The following PPARG variants were observed in gnomAD, a reference collection of about 807,000 sequenced individuals.
The protein encoded by PPARG is peroxisome proliferator-activated receptor gamma.
PPARG carries 17 observed loss-of-function variants against 39.2 expected under a neutral mutation model. The observed-to-expected ratio is 0.43, with a 90% CI of 0.30 to 0.65. PPARG has a LOEUF of 0.65. Among genes scored for constraint, PPARG ranks in the 30% least tolerant of loss-of-function variants. PPARG has a pLI of 0.13. For missense variants in PPARG, 406 were observed against 585.9 expected, an observed-to-expected ratio of 0.69 and a Z score of 3.17; for synonymous variants, 223 against 215.7, an observed-to-expected ratio of 1.03 and a Z score of -0.30.
chr3:12,373,593 T>A (rs1002180528), intron 2 of PPARG, among the ~76,000 whole-genome samples: 2 of 152,188 alleles, frequency 1.3e-5, no homozygotes, highest in Non-Finnish European at 2.9e-5. Flanking sequence ...TTTCCATCTT[T>A]AGTAGCAAAA....
At chr3:12,407,222 G>A (rs994467073) in intron 6 of PPARG, among the ~76,000 whole-genome samples, 10 of 151,916 alleles carry the variant, frequency 6.6e-5, no homozygotes, top group African/African-American at 9.7e-5. Flanking sequence ...ATGCAGTGGC[G>A]TGATCTCGGC....
At chr3:12,359,208 C>T (rs1035745098) in intron 2 of PPARG, among the ~76,000 whole-genome samples, 3 of 152,030 alleles carry the variant, frequency 2.0e-5, no homozygotes, top group African/African-American at 7.3e-5. Flanking sequence ...ACACCTTGCA[C>T]GTAGTATTAG....
Position 12,432,398 on chromosome 3 carries a change from G to A in PPARG, c.1181-1500G>A, listed in dbSNP as rs185545147. On this transcript the variant is annotated intron_variant, in intron 7 of 7. Coordinates refer to ENST00000651735, the MANE Select transcript of PPARG (RefSeq NM_138711.6). ...AAACCATAACTCTTCAGATATCATA[G>A]CTCTTTAGATAGAAAAATGTAAAAG... 4.9e-4 allele frequency among the ~76,000 whole-genome samples: 75 copies of A among 151,862 alleles called. No homozygotes were observed. The East Asian group carries it at 0.014, about 28-fold the overall frequency.
At chr3:12,358,462 T>A (rs2048735687) in intron 2 of PPARG, among the ~76,000 whole-genome samples, 1 of 152,188 alleles carries the variant, frequency 6.6e-6, no homozygotes, top group Non-Finnish European at 1.5e-5. Flanking sequence ...AAGTCAGATC[T>A]TTAGGAAAAA....
At chr3:12,365,292 A>T (rs2048978312) in intron 2 of PPARG, among the ~76,000 whole-genome samples, 1 of 152,172 alleles carries the variant, frequency 6.6e-6, no homozygotes, top group Non-Finnish European at 1.5e-5. Context: ...GCTTTATCAG[A>T]TGTGTTTTGT....
chr3:12,388,698 G>C (rs2049966337), intron 4 of PPARG, among the ~76,000 whole-genome samples: 1 of 152,112 alleles, frequency 6.6e-6, no homozygotes, highest in East Asian at 1.9e-4. Flanking sequence ...CAGACTCCCT[G>C]CTCTTCCCCT....
chr3:12,380,195 AT>A (rs1431236360), intron 3 of PPARG, among the ~76,000 whole-genome samples: 1 of 148,808 alleles, frequency 6.7e-6, no homozygotes, highest in Non-Finnish European at 1.5e-5. Context: ...TCTTAGGGAC[AT>A]TTTCTACCTT....
chr3:12,424,267 T>C (rs1050626911), intron 7 of PPARG, among the ~76,000 whole-genome samples: 1 of 152,188 alleles, frequency 6.6e-6, no homozygotes, highest in Non-Finnish European at 1.5e-5. Flanking sequence ...TTTAAACATA[T>C]ACATATACAG....
intron 5 of PPARG, among the ~76,000 whole-genome samples, chr3:12,398,853 G>C (rs79772338): frequency 0.013 from 2,017 of 152,274 alleles, 54 homozygotes; most frequent in African/African-American, 0.046. Context: ...CCCAGTGAGC[G>C]CAAAGCTAGA....
chr3:12,328,612 C>G (rs1274644079), intron 2 of PPARG, among the ~76,000 whole-genome samples: 1 of 152,218 alleles, frequency 6.6e-6, no homozygotes, highest in African/African-American at 2.4e-5. Flanking sequence ...AAGCATCTGT[C>G]CCACTCTGCT....
chr3:12,429,868 C>A (rs769301497), intron 7 of PPARG, among the ~76,000 whole-genome samples: 14 of 152,200 alleles, frequency 9.2e-5, no homozygotes, highest in Non-Finnish European at 1.8e-4. Context: ...GCCCAATTCT[C>A]CAGGCCAGGA....
chr3:12,336,745 C>G lies in PPARG; in HGVS notation c.-9+24292C>G, dbSNP rs78788058. On this transcript the variant is annotated intron_variant, in intron 2 of 7. Transcript: ENST00000651735. ...TAGTTATGAGCAACTGATTATTTAG[C>G]TGGGAAAAGAAGGTAAGGAAGAAGA... 1.4e-3 allele frequency among the ~76,000 whole-genome samples: 217 copies of G among 152,194 alleles called. 1 individual carries two copies. The highest frequency in any genetic ancestry group is 5.1e-3 in the African/African-American group (212 of 41,518).
intron 2 of PPARG, among the ~76,000 whole-genome samples, chr3:12,326,215 A>G (rs547697492): frequency 6.6e-6 from 1 of 152,308 alleles, no homozygotes; most frequent in Non-Finnish European, 1.5e-5. Flanking sequence ...TCGAGTTGTA[A>G]AAACCCTGAA....
chr3:12,409,945 A>AT (rs1575131783), intron 6 of PPARG, among the ~76,000 whole-genome samples: 1 of 152,134 alleles, frequency 6.6e-6, no homozygotes, highest in African/African-American at 2.4e-5. Flanking sequence ...ACCTTTCAAA[A>AT]TGGATAAATT....
At chr3:12,366,223 A>G (rs1458190626) in intron 2 of PPARG, among the ~76,000 whole-genome samples, 1 of 152,096 alleles carries the variant, frequency 6.6e-6, no homozygotes, top group Non-Finnish European at 1.5e-5. Context: ...TGTGTTTTTA[A>G]TATTAAATTT....
intron 2 of PPARG, among the ~76,000 whole-genome samples, chr3:12,363,506 A>G (rs1189356933): frequency 1.3e-5 from 2 of 152,156 alleles, no homozygotes; most frequent in Admixed American, 1.3e-4. Context: ...GGTTTGCCAG[A>G]CTAAACAACT....
chr3:12,302,147 C>T (rs184055449), intron 1 of PPARG, among the ~76,000 whole-genome samples: 10 of 152,274 alleles, frequency 6.6e-5, no homozygotes, highest in African/African-American at 2.4e-4. Flanking sequence ...GTGGAGGGTA[C>T]AGCCAGGTAA....
intron 1 of PPARG, among the ~76,000 whole-genome samples, chr3:12,292,599 C>T (rs2046674462): frequency 6.6e-6 from 1 of 152,160 alleles, no homozygotes; most frequent in South Asian, 2.1e-4. Flanking sequence ...AGTGGAAAAA[C>T]ATATAATTAA....
chr3:12,293,061 G>T (rs1574935338), intron 1 of PPARG, among the ~76,000 whole-genome samples: 1 of 152,230 alleles, frequency 6.6e-6, no homozygotes, highest in African/African-American at 2.4e-5. Context: ...TACAGCGTAG[G>T]CTTTCTCAGA....
Sources: allele counts gnomAD v4.1 joint callset (sites outside exome capture counted in the v4.1 genomes callset), GRCh38; gene constraint gnomAD v4.1.1; transcripts MANE v1.5; gene names NCBI Gene and HGNC (gene_info 2026-07-23, HGNC 2026-07-21).